The following XKR9 variants were observed in gnomAD, a reference collection of about 807,000 sequenced individuals.
The protein encoded by XKR9 is XK-related protein 9.
In XKR9, 32 loss-of-function variants were observed where a neutral mutation model predicts 32.0. The observed-to-expected ratio is 1.00, with a 90% CI of 0.76 to 1.34. The LOEUF (loss-of-function observed/expected upper bound fraction) is 1.34. Among genes scored for constraint, XKR9 ranks in the 40% most tolerant of loss-of-function variants. The pLI is 0.00. For synonymous variants in XKR9, 168 were observed against 143.4 expected (o/e 1.17, Z -1.22); for missense variants, 546 against 429.7 (o/e 1.27, Z -2.39).
intron 3 of XKR9, among the ~76,000 whole-genome samples, chr8:70,688,391 C>T (rs1474837939): frequency 6.6e-6 from 1 of 151,988 alleles, no homozygotes; most frequent in African/African-American, 2.4e-5. Context: ...ACGAGTTTTT[C>T]TCTGTATGGC....
the XKR9 span, among the ~76,000 whole-genome samples, chr8:70,935,415 C>T: frequency 7.3e-5 from 11 of 151,594 alleles, no homozygotes; most frequent in Admixed American, 6.6e-4. Context: ...GATAGCCTTG[C>T]CAGGTATGCA....
At chr8:70,689,373 A>G (rs1308656953) in intron 3 of XKR9, among the ~76,000 whole-genome samples, 1 of 151,336 alleles carries the variant, frequency 6.6e-6, no homozygotes, top group Non-Finnish European at 1.5e-5. Context: ...GAGAAAACAT[A>G]CTTTCATACC....
At chr8:71,056,037 T>C in the XKR9 span, among the ~76,000 whole-genome samples, 4 of 152,212 alleles carry the variant, frequency 2.6e-5, no homozygotes, top group Non-Finnish European at 5.9e-5. Flanking sequence ...TGCCAAAAGA[T>C]GGTCTGATAA....
chr8:70,779,686 G>A (rs1807588528), intron 2 of XKR9, among the ~76,000 whole-genome samples: 1 of 151,976 alleles, frequency 6.6e-6, no homozygotes, highest in Admixed American at 6.6e-5. Flanking sequence ...GTCTTGGGAG[G>A]GTGTGTGTGT....
At chr8:70,828,670 CT>C in the XKR9 span, among the ~76,000 whole-genome samples, 1 of 146,912 alleles carries the variant, frequency 6.8e-6, no homozygotes, top group African/African-American at 2.5e-5. Flanking sequence ...TTGCAGTGAG[CT>C]GAGATTGCCA....
the XKR9 span, among the ~76,000 whole-genome samples, chr8:70,797,599 T>G: frequency 2.0e-5 from 3 of 151,848 alleles, no homozygotes; most frequent in Non-Finnish European, 2.9e-5. Context: ...AGGGGTACAA[T>G]GTGCAGGTGT....
chr8:71,052,528 T>G, the XKR9 span, among the ~76,000 whole-genome samples: 8 of 152,194 alleles, frequency 5.3e-5, no homozygotes, highest in Non-Finnish European at 1.0e-4. Flanking sequence ...CATAGAAAGA[T>G]TATGGTCACA....
the XKR9 span, among the ~76,000 whole-genome samples, chr8:70,982,614 C>A: frequency 6.6e-6 from 1 of 152,200 alleles, no homozygotes; most frequent in Non-Finnish European, 1.5e-5. Context: ...AGACCATGAG[C>A]CTCCTCGTTG....
chr8:70,673,262 C>CT (rs35529592), intron 1 of XKR9, among the ~76,000 whole-genome samples: 3 of 152,120 alleles, frequency 2.0e-5, no homozygotes, highest in Non-Finnish European at 4.4e-5. Flanking sequence ...GCTTCATTAG[C>CT]TTTTTTTAAA....
At chr8:70,808,081 C>T in the XKR9 span, among the ~76,000 whole-genome samples, 10 of 152,168 alleles carry the variant, frequency 6.6e-5, no homozygotes, top group East Asian at 1.9e-4. Context: ...TAAACCACAG[C>T]GCAATCAAAT....
intron 2 of XKR9, among the ~76,000 whole-genome samples, chr8:70,760,337 G>T (rs926152705): frequency 1.3e-5 from 2 of 152,092 alleles, no homozygotes; most frequent in African/African-American, 4.8e-5. Flanking sequence ...TAACTGATTA[G>T]CATTGGTTTC....
chr8:70,931,632 C>A, the XKR9 span, among the ~76,000 whole-genome samples: 1 of 152,168 alleles, frequency 6.6e-6, no homozygotes, highest in Admixed American at 6.6e-5. Flanking sequence ...TTGGCTCACA[C>A]TTCTGCAGGC....
At chr8:70,715,361 CT>C (rs1390349859) in intron 4 of XKR9, among the ~76,000 whole-genome samples, 2 of 152,090 alleles carry the variant, frequency 1.3e-5, no homozygotes, top group African/African-American at 4.8e-5. Flanking sequence ...ATTTAATCAA[CT>C]GCAATTAAAA....
At chr8:70,832,792 T>G in the XKR9 span, among the ~76,000 whole-genome samples, 1 of 152,206 alleles carries the variant, frequency 6.6e-6, no homozygotes, top group Non-Finnish European at 1.5e-5. Context: ...GTGAAACTGA[T>G]TCACAGCCCT....
the XKR9 span, among the ~76,000 whole-genome samples, chr8:70,885,915 A>T: frequency 1.3e-5 from 2 of 151,986 alleles, no homozygotes; most frequent in African/African-American, 4.8e-5. Flanking sequence ...TTATACTTTA[A>T]GTTCTGGGGT....
intron 2 of XKR9, among the ~76,000 whole-genome samples, chr8:70,787,048 A>T (rs6992879): frequency 0.4 from 61,370 of 151,978 alleles, 13,937 homozygotes; most frequent in Non-Finnish European, 0.52. Flanking sequence ...TTAGGCAATC[A>T]TGCAAAGTCT....
At chr8:71,032,365 GA>G in the XKR9 span, among the ~76,000 whole-genome samples, 1 of 151,166 alleles carries the variant, frequency 6.6e-6, no homozygotes, top group Non-Finnish European at 1.5e-5. Flanking sequence ...GTACTGCTAG[GA>G]ATTCTTTAGC....
At chr8:70,729,379 C>CA (rs1468112688) in intron 4 of XKR9, among the ~76,000 whole-genome samples, 1 of 152,014 alleles carries the variant, frequency 6.6e-6, no homozygotes, top group East Asian at 1.9e-4. Flanking sequence ...GTGTTTTATG[C>CA]AAAAAAGTAA....
chr8:71,051,459 A>C, the XKR9 span, among the ~76,000 whole-genome samples: 1 of 152,018 alleles, frequency 6.6e-6, no homozygotes, highest in Non-Finnish European at 1.5e-5. Flanking sequence ...TTGTTCTATA[A>C]ATCACTGGAA....
Sources: gnomAD v4.1 joint callset for allele counts (sites outside exome capture counted in the v4.1 genomes callset) on GRCh38, gnomAD v4.1.1 for gene constraint, MANE v1.5 for transcripts, NCBI Gene and HGNC (gene_info 2026-07-23, HGNC 2026-07-21) for gene names.